Variants in BRMS1L observed in about 807,000 individuals in gnomAD.
The protein encoded by BRMS1L is breast cancer metastasis-suppressor 1-like protein.
In BRMS1L, 23 loss-of-function variants were observed where a neutral mutation model predicts 50.3. That is an observed-to-expected ratio of 0.46 (90% CI 0.33 to 0.65). BRMS1L has a LOEUF of 0.65. Ranked by LOEUF, BRMS1L falls within the 30% of genes least tolerant of loss-of-function variation. BRMS1L has a pLI of 0.02. For synonymous variants in BRMS1L, 114 were observed against 126.9 expected (o/e 0.90, Z 0.69); for missense variants, 286 against 386.1 (o/e 0.74, Z 2.17).
chr14:35,855,798 A>G (rs1378624635), intron 4 of BRMS1L, among the ~76,000 whole-genome samples: 2 of 152,130 alleles, frequency 1.3e-5, no homozygotes, highest in African/African-American at 2.4e-5. Flanking sequence ...TTAAAATGCT[A>G]TATATTTTGT....
chr14:35,859,074 T>C (rs2078317627), intron 4 of BRMS1L, among the ~76,000 whole-genome samples: 1 of 151,926 alleles, frequency 6.6e-6, no homozygotes, highest in Non-Finnish European at 1.5e-5. Flanking sequence ...GCCGAGTAGC[T>C]GGGATTACAG....
At chr14:35,869,402 A>G (rs1391103735) in intron 9 of BRMS1L, among the ~76,000 whole-genome samples, 1 of 151,872 alleles carries the variant, frequency 6.6e-6, no homozygotes, top group Non-Finnish European at 1.5e-5. Flanking sequence ...TCTACAAAGT[A>G]AAAAAATTAT....
At chr14:35,839,353 G>A (rs577658653) in intron 4 of BRMS1L, among the ~76,000 whole-genome samples, 54 of 152,026 alleles carry the variant, frequency 3.6e-4, no homozygotes, top group Non-Finnish European at 6.9e-4. Context: ...TGGCTATATG[G>A]GCTCTTTTTT....
At chr14:35,852,264 T>C (rs577339030) in intron 4 of BRMS1L, among the ~76,000 whole-genome samples, 156 of 152,374 alleles carry the variant, frequency 1.0e-3, no homozygotes, top group African/African-American at 3.7e-3. Context: ...TGGAATGTAG[T>C]ATCATGGTCA....
intron 4 of BRMS1L, among the ~76,000 whole-genome samples, chr14:35,836,056 C>A (rs549074673): frequency 1.3e-5 from 2 of 152,278 alleles, no homozygotes; most frequent in South Asian, 4.1e-4. Context: ...TTCATAATTA[C>A]AACTGAGATT....
chr14:35,855,595 T>C (rs2078269720), intron 4 of BRMS1L, among the ~76,000 whole-genome samples: 1 of 152,184 alleles, frequency 6.6e-6, no homozygotes, highest in East Asian at 1.9e-4. Flanking sequence ...ATGCTAAATA[T>C]TAACCGAAAT....
chr14:35,869,937 TA>T (rs972807385), intron 9 of BRMS1L, among the ~76,000 whole-genome samples: 15 of 151,816 alleles, frequency 9.9e-5, no homozygotes, highest in Non-Finnish European at 1.9e-4. Flanking sequence ...ATTAGTAGTG[TA>T]AAAAAAATTG....
chr14:35,857,957 G>A (rs1462200486), intron 4 of BRMS1L, among the ~76,000 whole-genome samples: 1 of 143,376 alleles, frequency 7.0e-6, no homozygotes, highest in African/African-American at 2.6e-5. Context: ...GATTTTTCAT[G>A]AAGCCTGAGT....
Position 35,862,577 on chromosome 14 carries a change from T to C in BRMS1L, c.442-13T>C. On this transcript the variant is annotated splice_polypyrimidine_tract_variant and intron_variant, in intron 4 of 9. Transcript: ENST00000216807. ...TTTCTTTCTACTTAAGTATAATCTG[T>C]TTTTCTCCCCAGAGCGAAAAGCTGT... is the stretch of plus-strand genomic sequence containing the variant. The C allele has an allele frequency of 6.4e-7, 1 of 1,552,794 alleles. No individual in the cohort carries two copies. The highest frequency in any genetic ancestry group is 8.7e-7 in the Non-Finnish European group (1 of 1,149,148).
At chr14:35,850,228 A>T (rs1156849390) in intron 4 of BRMS1L, among the ~76,000 whole-genome samples, 1 of 124,174 alleles carries the variant, frequency 8.1e-6, no homozygotes, top group Non-Finnish European at 1.7e-5. Context: ...TTTTTTTGAG[A>T]TGGAGTTTCG....
chr14:35,866,445 C>T (rs916431839), intron 8 of BRMS1L, among the ~76,000 whole-genome samples: 1 of 152,182 alleles, frequency 6.6e-6, no homozygotes, highest in African/African-American at 2.4e-5. Flanking sequence ...TCATGCCTAG[C>T]ATGATCCCAG....
chr14:35,855,818 G>C (rs1284373899), intron 4 of BRMS1L, among the ~76,000 whole-genome samples: 1 of 152,066 alleles, frequency 6.6e-6, no homozygotes, highest in Non-Finnish European at 1.5e-5. Context: ...TATTTACTCT[G>C]TCATTGTAAT....
chr14:35,856,572 A>C (rs1213702701), intron 4 of BRMS1L, among the ~76,000 whole-genome samples: 21 of 148,034 alleles, frequency 1.4e-4, no homozygotes, highest in Admixed American at 1.3e-3. Context: ...TAATCTTCCA[A>C]CCAGAGGTAA....
chr14:35,854,633 C>T (rs2078256439), intron 4 of BRMS1L, among the ~76,000 whole-genome samples: 1 of 152,306 alleles, frequency 6.6e-6, no homozygotes, highest in Middle Eastern at 3.4e-3. Context: ...TTCCAGAACT[C>T]CATTATCTCT....
At chr14:35,841,101 G>C (rs2078057020) in intron 4 of BRMS1L, among the ~76,000 whole-genome samples, 2 of 151,938 alleles carry the variant, frequency 1.3e-5, no homozygotes, top group African/African-American at 4.8e-5. Context: ...CCTTAATTTA[G>C]TGATTTACCC....
rs145271846 is a variant in BRMS1L, at chr14:35,870,508, T to C, written c.*31T>C. On this transcript the variant is annotated 3_prime_UTR_variant, in exon 10 of 10. Transcript: ENST00000216807. Reference sequence around the variant, plus strand: ...ATTTAAGTGTTATCTAAATTTACCTTATTAGTGTTACCAAATGTAAGTGCC... The same window carrying C: ...ATTTAAGTGTTATCTAAATTTACCTCATTAGTGTTACCAAATGTAAGTGCC... The C allele has an allele frequency of 3.7e-3, 5,124 of 1,368,190 alleles. 19 individuals carry two copies. Among genetic ancestry groups the C allele is most frequent in the Non-Finnish European group, 4.7e-3 (4,568 of 971,316 alleles). The allele number at this position is 1,368,190 out of a possible 1,614,324, so 84.8% of individuals were successfully genotyped here.
intron 4 of BRMS1L, among the ~76,000 whole-genome samples, chr14:35,856,574 C>T (rs931721317): frequency 6.8e-6 from 1 of 148,094 alleles, no homozygotes; most frequent in Admixed American, 6.7e-5. Flanking sequence ...ATCTTCCAAC[C>T]AGAGGTAATC....
chr14:35,865,838 G>A (rs2142064373), intron 8 of BRMS1L, 77 bp downstream of exon 8: 1 of 1,255,682 alleles, frequency 8.0e-7, no homozygotes, highest in Non-Finnish European at 1.1e-6. Context: ...ACGTACTAAA[G>A]AACTCTTGAA....
rs537558008 is a variant in BRMS1L, at chr14:35,831,318, C to G, written c.143-92C>G. ...GTCTTCTCTTCATATTACAGTTTTT[C>G]TTCCTATTTGAATTACGTTCAGATA... On this transcript the variant is annotated intron_variant, in intron 1 of 9. Transcript: ENST00000216807. The G allele has an allele frequency of 7.3e-5, 61 of 832,664 alleles. No individual in the cohort carries two copies. In the African/African-American group the frequency reaches 9.3e-4, roughly 13 times the overall value. The allele number at this position is 832,664 out of a possible 1,614,324, so 51.6% of individuals were successfully genotyped here. A position where few individuals can be genotyped will look rare whatever the true frequency, so the allele number is the denominator to read the frequency against.
Sources: gnomAD v4.1 joint callset for allele counts (sites outside exome capture counted in the v4.1 genomes callset) on GRCh38, gnomAD v4.1.1 for gene constraint, MANE v1.5 for transcripts, NCBI Gene and HGNC (gene_info 2026-07-23, HGNC 2026-07-21) for gene names.